ETNK1: variants seen among roughly 807,000 people sequenced by gnomAD.
The protein encoded by ETNK1 is ethanolamine kinase 1.
In ETNK1, 8 loss-of-function variants were observed where a neutral mutation model predicts 45.1. The observed-to-expected ratio is 0.18, with a 90% CI of 0.10 to 0.32. The LOEUF is 0.32. ETNK1 is among the 10% of genes least tolerant of loss of function. The pLI is 1.00. For synonymous variants in ETNK1, 152 were observed against 151.9 expected (o/e 1.00, Z -0.01); for missense variants, 302 against 430.6 (o/e 0.70, Z 2.64).
At position 22,625,226 on chromosome 12, in the gene ETNK1, G is replaced by T; in HGVS notation, c.-205G>T. ...GGAATTTTCTCCGAGAGCGGGCCGG[G>T]CTCAGTTCAGCTGCTGTCCAGACCC... is the stretch of plus-strand genomic sequence containing the variant. On this transcript the variant is annotated 5_prime_UTR_variant, in exon 1 of 8. Coordinates refer to ENST00000266517, the MANE Select transcript of ETNK1 (RefSeq NM_018638.5). The T allele has an allele frequency of 6.2e-7, 1 of 1,611,532 alleles. No homozygotes were observed. The highest frequency in any genetic ancestry group is 1.1e-5 in the South Asian group (1 of 91,018).
chr12:22,685,148 C>CATA lies in ETNK1; in HGVS notation c.*194_*195insATA. 2.2e-6 allele frequency: 1 copy of CATA among 453,054 alleles called. No individual in the cohort carries two copies. The highest frequency in any genetic ancestry group is 3.9e-6 in the Non-Finnish European group (1 of 254,894). The allele number at this position is 453,054 out of a possible 1,614,324, so 28.1% of individuals were successfully genotyped here. ...GTCAAGAAATATACCTACTGCTATC[C>CATA]GTATGTGGTGGATTAGAAATGTGTT... On this transcript the variant is annotated 3_prime_UTR_variant, in exon 8 of 8. Transcript: ENST00000266517.
chr12:22,684,357 A>G (rs1954240754), intron 6 of ETNK1, 126 bp from the exon 7 acceptor site: 1 of 657,354 alleles, frequency 1.5e-6, no homozygotes, highest in Non-Finnish European at 2.6e-6. Flanking sequence ...TAGACGCTTT[A>G]TATAAAAAGA....
At chr12:22,664,667 C>T (rs1054868738) in intron 4 of ETNK1, among the ~76,000 whole-genome samples, 1 of 151,854 alleles carries the variant, frequency 6.6e-6, no homozygotes, top group Non-Finnish European at 1.5e-5. Flanking sequence ...TCTTTAGTTG[C>T]CTTATTATAG....
At chr12:22,676,562 T>C (rs1435085445) in intron 6 of ETNK1, among the ~76,000 whole-genome samples, 1 of 152,148 alleles carries the variant, frequency 6.6e-6, no homozygotes, top group Non-Finnish European at 1.5e-5. Context: ...TTTCTGGTTG[T>C]GGATTCTTGA....
In ETNK1 at chr12:22,643,616, T is replaced by C. The variant is rs1953767242; in HGVS notation, c.157-147T>C. ...TAGAATTAAAATTATAGATGTTAGA[T>C]AAAATTGTATTCAAAGATGGTTCTT... On this transcript the variant is annotated intron_variant, in intron 1 of 7. Transcript: ENST00000266517. 5.3e-6 allele frequency: 3 copies of C among 568,972 alleles called. No individual in the cohort carries two copies. The South Asian group carries it at 9.4e-5, about 18-fold the overall frequency. 35.2% of individuals were successfully genotyped at this position (568,972 alleles called of 1,614,324 possible). A position where few individuals can be genotyped will look rare whatever the true frequency, so the allele number is the denominator to read the frequency against.
intron 3 of ETNK1, among the ~76,000 whole-genome samples, chr12:22,660,234 A>G (rs1469564004): frequency 6.6e-6 from 1 of 152,128 alleles, no homozygotes; most frequent in African/African-American, 2.4e-5. Context: ...AGCAGGGAGT[A>G]ATTTGAGAGA....
intron 1 of ETNK1, among the ~76,000 whole-genome samples, chr12:22,630,510 A>G (rs1376279657): frequency 3.3e-5 from 5 of 152,208 alleles, no homozygotes; most frequent in Non-Finnish European, 5.9e-5. Context: ...GAGCAAGGAA[A>G]ACTATCTCAC....
intron 6 of ETNK1, 58 bp from the exon 7 acceptor site, chr12:22,684,425 T>G: frequency 8.6e-7 from 1 of 1,167,288 alleles, no homozygotes; most frequent in South Asian, 1.3e-5. Context: ...GCAATTCATA[T>G]GTGTTTTACA....
intron 1 of ETNK1, chr12:22,638,916 A>G (rs578198713): frequency 1.3e-5 from 2 of 152,296 alleles, no homozygotes; most frequent in Non-Finnish European, 1.5e-5. Context: ...TAAACATAAA[A>G]AGTTATTTTT....
intron 1 of ETNK1, among the ~76,000 whole-genome samples, chr12:22,632,357 G>A (rs991795508): frequency 1.3e-5 from 2 of 151,576 alleles, no homozygotes; most frequent in Admixed American, 6.6e-5. Context: ...GCAATCATAC[G>A]TATAATTTTA....
At chr12:22,673,376 C>T (rs1388204190) in intron 5 of ETNK1, 124 bp from the exon 6 acceptor site, 6 of 592,356 alleles carry the variant, frequency 1.0e-5, no homozygotes, top group Non-Finnish European at 5.6e-6. Flanking sequence ...ACTTAACATG[C>T]AGTATTCCAG....
intron 1 of ETNK1, chr12:22,638,854 C>T (rs1953690930): frequency 6.6e-6 from 1 of 152,062 alleles, no homozygotes; most frequent in African/African-American, 2.4e-5. Flanking sequence ...TATTTTAAAG[C>T]AAATCTCAGT....
intron 2 of ETNK1, among the ~76,000 whole-genome samples, chr12:22,646,803 G>A (rs1953813489): frequency 1.3e-5 from 2 of 151,916 alleles, no homozygotes; most frequent in Middle Eastern, 3.4e-3. Context: ...GACTAGTCTG[G>A]GGGAGGAAGA....
chr12:22,635,647 T>C (rs1953646571), intron 1 of ETNK1, among the ~76,000 whole-genome samples: 1 of 152,248 alleles, frequency 6.6e-6, no homozygotes, highest in African/African-American at 2.4e-5. Flanking sequence ...ATCTCACTCA[T>C]TTTACATATG....
intron 1 of ETNK1, among the ~76,000 whole-genome samples, chr12:22,642,781 C>T (rs530058295): frequency 1.5e-3 from 233 of 152,050 alleles, no homozygotes; most frequent in Non-Finnish European, 2.6e-3. Flanking sequence ...TTTCGCTTTT[C>T]TCTTTTCTTC....
chr12:22,640,939 G>C (rs1953727832), intron 1 of ETNK1, among the ~76,000 whole-genome samples: 1 of 152,126 alleles, frequency 6.6e-6, no homozygotes. Flanking sequence ...TATATTTCTA[G>C]TATATATTTA....
intron 2 of ETNK1, among the ~76,000 whole-genome samples, chr12:22,645,156 A>G (rs1160391665): frequency 6.6e-6 from 1 of 151,906 alleles, no homozygotes; most frequent in African/African-American, 2.4e-5. Flanking sequence ...TTAGGCTTGC[A>G]TGTATTTATA....
At chr12:22,637,689 A>T (rs1462973531) in intron 1 of ETNK1, among the ~76,000 whole-genome samples, 2 of 152,238 alleles carry the variant, frequency 1.3e-5, no homozygotes, top group African/African-American at 4.8e-5. Flanking sequence ...CAAATGAGAA[A>T]ATAAGCCAGT....
intron 1 of ETNK1, among the ~76,000 whole-genome samples, chr12:22,628,164 C>G (rs1953530344): frequency 6.6e-6 from 1 of 152,042 alleles, no homozygotes; most frequent in Non-Finnish European, 1.5e-5. Context: ...CATGCATTCT[C>G]CCAACTATCC....
Sources: gnomAD v4.1 joint callset for allele counts (sites outside exome capture counted in the v4.1 genomes callset) on GRCh38, gnomAD v4.1.1 for gene constraint, MANE v1.5 for transcripts, NCBI Gene and HGNC (gene_info 2026-07-23, HGNC 2026-07-21) for gene names.